The following PCID2 variants were observed in gnomAD, a reference collection of about 807,000 sequenced individuals.
PCID2 encodes PCI domain containing 2, also known as PCI domain-containing protein 2.
In PCID2, 41 loss-of-function variants were observed where a neutral mutation model predicts 61.3. That is an observed-to-expected ratio of 0.67 (90% CI 0.52 to 0.87). The LOEUF is 0.87. PCID2 is among the 40% of genes least tolerant of loss of function. The pLI is 0.00. For missense variants in PCID2, 392 were observed against 493.4 expected, an observed-to-expected ratio of 0.79 and a Z score of 1.95; for synonymous variants, 187 against 177.8, an observed-to-expected ratio of 1.05 and a Z score of -0.41.
In PCID2 at chr13:113,179,496, C is replaced by T. The variant is rs1012633359; in HGVS notation, c.987-407G>A. ...TTACACAACTGAGATCCTGCTGGGA[C>T]GAGGCCTCAGAAGACGTGTGAGGAA... On this transcript the variant is annotated intron_variant, in intron 12 of 13. Coordinates refer to ENST00000337344, the MANE Select transcript of PCID2 (RefSeq NM_001127202.4). This position sits in a 1 kb window ranked among gnomAD's most constrained non-coding sequence, Gnocchi z 4.3. Among the ~76,000 whole-genome samples the T allele has an allele frequency of 2.0e-5, 3 of 151,854 alleles. No homozygotes were observed. The highest frequency in any genetic ancestry group is 7.2e-5 in the African/African-American group (3 of 41,390).
chr13:113,171,511 G>A, the PCID2 span: 8 of 1,577,070 alleles, frequency 5.1e-6, no homozygotes, highest in Non-Finnish European at 6.9e-6. This position sits in a 1 kb window ranked among gnomAD's most constrained non-coding sequence, Gnocchi z 5.1. Context: ...CCCTCCTCAC[G>A]TGGCTCCCTG....
chr13:113,184,795 TG>T (rs1396630852), intron 8 of PCID2, among the ~76,000 whole-genome samples: 1 of 147,868 alleles, frequency 6.8e-6, no homozygotes, highest in Non-Finnish European at 1.5e-5. Flanking sequence ...TGCAGGAGCC[TG>T]TGCTAGTGGA....
chr13:113,192,981 C>T (rs1199592798), intron 6 of PCID2, among the ~76,000 whole-genome samples: 4 of 152,118 alleles, frequency 2.6e-5, no homozygotes, highest in Admixed American at 2.0e-4. Flanking sequence ...AGCCAGGAAG[C>T]GGCCCTCTTC....
intron 6 of PCID2, 82 bp downstream of exon 6, chr13:113,194,989 T>A (rs1222274642): frequency 9.9e-7 from 1 of 1,012,618 alleles, no homozygotes; most frequent in Non-Finnish European, 1.6e-6. Context: ...TCAAAACTTC[T>A]GGGAAGAATG....
chr13:113,198,499 C>G (rs1022918202), intron 2 of PCID2, among the ~76,000 whole-genome samples: 1 of 152,052 alleles, frequency 6.6e-6, no homozygotes, highest in Non-Finnish European at 1.5e-5. Flanking sequence ...GCTAGAAGTT[C>G]AAGACCAGCC....
the PCID2 span, among the ~76,000 whole-genome samples, chr13:113,168,085 G>A: frequency 1.3e-5 from 2 of 152,092 alleles, no homozygotes; most frequent in African/African-American, 4.8e-5. Flanking sequence ...CCTGGGTGCT[G>A]GTTTTGGCAT....
the PCID2 span, among the ~76,000 whole-genome samples, chr13:113,167,368 G>A: frequency 3.9e-5 from 6 of 152,140 alleles, 1 homozygote; most frequent in Admixed American, 6.6e-5. Flanking sequence ...ACGACGCCAC[G>A]GTAAAGTTGG....
At chr13:113,198,851 T>C (rs534495421) in intron 2 of PCID2, among the ~76,000 whole-genome samples, 2 of 152,362 alleles carry the variant, frequency 1.3e-5, no homozygotes, top group East Asian at 3.9e-4. Context: ...TTTCAGTATA[T>C]TAGTATTCTT....
downstream of PCID2, among the ~76,000 whole-genome samples, chr13:113,176,552 AGGCGTTC>A (rs1170737333): frequency 2.2e-4 from 34 of 152,210 alleles, no homozygotes; most frequent in Admixed American, 4.6e-4. Flanking sequence ...GCTTTAGCCC[AGGCGTTC>A]CAGACCAGCC....
chr13:113,187,860 C>A (rs1245115020), intron 7 of PCID2: 4 of 151,850 alleles, frequency 2.6e-5, no homozygotes, highest in Non-Finnish European at 5.9e-5. Context: ...TAATTTTTTC[C>A]TTTGGTTGCT....
chr13:113,175,667 G>A (rs2037174306), downstream of PCID2, among the ~76,000 whole-genome samples: 1 of 152,220 alleles, frequency 6.6e-6, no homozygotes, highest in Admixed American at 6.5e-5. Context: ...ACGACTGCCA[G>A]CGCTGAGGAC....
chr13:113,179,038 G>C lies in PCID2; in HGVS notation c.1038C>G (p.Ala346=), dbSNP rs779692518. 1.9e-6 allele frequency: 3 copies of C among 1,613,904 alleles called. No individual in the cohort carries two copies. The South Asian group carries it at 3.3e-5, about 18-fold the overall frequency. The part of the protein sequence containing the change: ...HQLSLDAFLV[A]LKFMQVEDVD... ...CGTCCTCCACCTGCATGAACTTCAA[G>C]GCAACCAGAAAAGCATCCAGAGACA... is the stretch of plus-strand genomic sequence containing the variant. The change falls in exon 13 of 14, where the codon GCC becomes GCG. Residue 346 remains alanine (A), a synonymous_variant. Transcript: ENST00000337344. This position sits in a 1 kb window ranked among gnomAD's most constrained non-coding sequence, Gnocchi z 4.3.
downstream of PCID2, among the ~76,000 whole-genome samples, chr13:113,175,122 C>G (rs1266152627): frequency 6.6e-6 from 1 of 152,188 alleles, no homozygotes; most frequent in Non-Finnish European, 1.5e-5. Context: ...TTCCTGAGGT[C>G]CCCCGAGTCA....
downstream of PCID2, among the ~76,000 whole-genome samples, chr13:113,176,542 G>GCCCCGACAGAACCGTGGC (rs1566934987): frequency 6.6e-6 from 1 of 152,112 alleles, no homozygotes; most frequent in African/African-American, 2.4e-5. Flanking sequence ...TGGGGGAATT[G>GCCCCGACAGAACCGTGGC]CTTTAGCCCA....
intron 13 of PCID2, among the ~76,000 whole-genome samples, chr13:113,178,750 T>C (rs2037342886): frequency 6.6e-6 from 1 of 152,180 alleles, no homozygotes. Flanking sequence ...TACCGAGGGA[T>C]GTACCGCCAG....
Position 113,179,714 on chromosome 13 carries a change from G to A in PCID2, c.986+203C>T, listed in dbSNP as rs1173161791. 1.3e-5 allele frequency among the ~76,000 whole-genome samples: 2 copies of A among 152,294 alleles called. No individual in the cohort carries two copies. Among genetic ancestry groups the A allele is most frequent in the East Asian group, 3.9e-4 (2 of 5,180 alleles). ...CCTGCTTACCTCCCCCACAAGTCCA[G>A]GCACAGCTTGTGCTACTCACGTGTC... is the stretch of plus-strand genomic sequence containing the variant. On this transcript the variant is annotated intron_variant, in intron 12 of 13. Transcript: ENST00000337344. The surrounding 1 kb of genome is among the most constrained non-coding windows in gnomAD (Gnocchi z 4.3).
chr13:113,165,937 CT>C, the PCID2 span, among the ~76,000 whole-genome samples: 1 of 152,228 alleles, frequency 6.6e-6, no homozygotes, highest in Non-Finnish European at 1.5e-5. Context: ...TTCCCAGCAC[CT>C]CATTCTGGGT....
intron 4 of PCID2, 150 bp downstream of exon 4, chr13:113,197,028 A>T: frequency 6.2e-7 from 1 of 1,613,030 alleles, no homozygotes; most frequent in South Asian, 1.1e-5. Flanking sequence ...CCCAAGTGAA[A>T]GAGCTGAAAC....
At position 113,196,223 on chromosome 13, in the gene PCID2, G is replaced by A; in HGVS notation, c.267-1C>T. The A allele has an allele frequency of 3.8e-6, 6 of 1,599,022 alleles. No individual in the cohort carries two copies. Among genetic ancestry groups the A allele is most frequent in the Non-Finnish European group, 5.1e-6 (6 of 1,168,334 alleles). ...GGCCTGGAATGCTCGCAAGAATGAT[G>A]TACTGTATTAAGGAAGATATGGCAT... On this transcript the variant is annotated splice_acceptor_variant, in intron 4 of 13. Transcript: ENST00000337344. LOFTEE classifies it high-confidence loss of function.
Sources: allele counts gnomAD v4.1 joint callset (sites outside exome capture counted in the v4.1 genomes callset), GRCh38; gene constraint gnomAD v4.1.1; non-coding constraint Gnocchi (gnomAD v3.1); transcripts MANE v1.5; gene names NCBI Gene and HGNC (gene_info 2026-07-23, HGNC 2026-07-21).